ITPR1: variants seen among roughly 807,000 people sequenced by gnomAD.
ITPR1 encodes inositol 1,4,5-trisphosphate-gated calcium channel ITPR1.
ITPR1 carries 96 observed loss-of-function variants against 318.4 expected under a neutral mutation model. That is an observed-to-expected ratio of 0.30 (90% CI 0.26 to 0.36). ITPR1 has a LOEUF of 0.36. Ranked by LOEUF, ITPR1 falls within the 10% of genes least tolerant of loss-of-function variation. The pLI is 1.00. For synonymous variants in ITPR1, 1,312 were observed against 1,289.9 expected (o/e 1.02, Z -0.37); for missense variants, 2,440 against 3,460.2 (o/e 0.71, Z 7.40).
At chr3:4,510,679 A>G (rs2081748139) in intron 2 of ITPR1, among the ~76,000 whole-genome samples, 1 of 152,218 alleles carries the variant, frequency 6.6e-6, no homozygotes, top group Non-Finnish European at 1.5e-5. Context: ...TGTGCCTTGT[A>G]CGGTGTCAGA....
intron 11 of ITPR1, among the ~76,000 whole-genome samples, chr3:4,653,189 G>T (rs2093635430): frequency 1.3e-5 from 2 of 152,286 alleles, no homozygotes; most frequent in Middle Eastern, 6.8e-3. Context: ...CCCCACTGTT[G>T]TCTGGGACCA....
intron 20 of ITPR1, chr3:4,671,542 A>G (rs563213824): frequency 6.6e-6 from 1 of 152,316 alleles, no homozygotes. Flanking sequence ...GATTCCCTGT[A>G]TGTTTACCCA....
rs115762961 is a variant in ITPR1 at position 4,504,334 on chromosome 3, A to G, written c.-17+9828A>G. On this transcript the variant is annotated intron_variant, in intron 2 of 61. Transcript: ENST00000649015. ...GGGAATGGAGAATGAGCAACGTTGT[A>G]TTATACTAGAGAATCACTCCTCTGA... is the stretch of plus-strand genomic sequence containing the variant. 9.4e-3 allele frequency among the ~76,000 whole-genome samples: 1,436 copies of G among 152,216 alleles called. 24 individuals carry two copies. The highest frequency in any genetic ancestry group is 0.033 in the African/African-American group (1,351 of 41,520).
At chr3:4,612,237 C>G (rs2092170563) in intron 4 of ITPR1, among the ~76,000 whole-genome samples, 2 of 151,724 alleles carry the variant, frequency 1.3e-5, no homozygotes, top group African/African-American at 4.8e-5. Flanking sequence ...AATTTTTATA[C>G]ATTTAGTAGA....
intron 4 of ITPR1, among the ~76,000 whole-genome samples, chr3:4,528,111 C>T (rs2083129051): frequency 6.6e-6 from 1 of 152,120 alleles, no homozygotes; most frequent in Admixed American, 6.5e-5. Context: ...CCAGAGCTAG[C>T]ATCCAGCCCA....
At chr3:4,697,104 A>G in intron 33 of ITPR1, 43 bp from the exon 34 acceptor site, 1 of 1,600,370 alleles carries the variant, frequency 6.2e-7, no homozygotes, top group Non-Finnish European at 8.5e-7. Flanking sequence ...AGTTCCATAC[A>G]CACCAAGATG....
chr3:4,519,593 G>T (rs1242806509), intron 3 of ITPR1, among the ~76,000 whole-genome samples: 1 of 152,168 alleles, frequency 6.6e-6, no homozygotes, highest in Non-Finnish European at 1.5e-5. Flanking sequence ...CATTATGTTA[G>T]CTCTGGGGGC....
At chr3:4,518,147 T>C (rs1050013846) in intron 3 of ITPR1, among the ~76,000 whole-genome samples, 18 of 152,160 alleles carry the variant, frequency 1.2e-4, no homozygotes, top group African/African-American at 4.3e-4. Flanking sequence ...CTTCCTTGTC[T>C]GCCCGCAGCT....
At chr3:4,607,648 G>A (rs989918864) in intron 4 of ITPR1, among the ~76,000 whole-genome samples, 5 of 152,036 alleles carry the variant, frequency 3.3e-5, no homozygotes, top group African/African-American at 1.2e-4. Flanking sequence ...GGGAAAGGTG[G>A]GGGTGGCAGG....
chr3:4,836,296 G>A (rs1224712197), intron 60 of ITPR1, among the ~76,000 whole-genome samples: 1 of 152,090 alleles, frequency 6.6e-6, no homozygotes, highest in Non-Finnish European at 1.5e-5. Flanking sequence ...TTTCACTTGG[G>A]GAAGATAAAA....
intron 48 of ITPR1, among the ~76,000 whole-genome samples, chr3:4,778,072 C>T (rs2046593068): frequency 6.6e-6 from 1 of 152,174 alleles, no homozygotes; most frequent in African/African-American, 2.4e-5. Flanking sequence ...AGGTGCTAAA[C>T]CTGCAGCATT....
intron 4 of ITPR1, among the ~76,000 whole-genome samples, chr3:4,612,431 T>C (rs1206156111): frequency 1.3e-5 from 2 of 152,146 alleles, no homozygotes; most frequent in Non-Finnish European, 2.9e-5. Flanking sequence ...CAATCCCCCA[T>C]GGATACCAAA....
intron 4 of ITPR1, among the ~76,000 whole-genome samples, chr3:4,536,680 C>T (rs2083902690): frequency 6.6e-6 from 1 of 152,122 alleles, no homozygotes; most frequent in South Asian, 2.1e-4. Context: ...TCACTGTGCC[C>T]AAATAATTTG....
intron 12 of ITPR1, among the ~76,000 whole-genome samples, chr3:4,654,464 A>G (rs1478723842): frequency 1.3e-5 from 2 of 152,226 alleles, no homozygotes; most frequent in Non-Finnish European, 2.9e-5. Context: ...CATATCGCCA[A>G]GTAATGCTGA....
intron 5 of ITPR1, among the ~76,000 whole-genome samples, chr3:4,638,115 C>T (rs780904672): frequency 3.3e-5 from 5 of 152,032 alleles, no homozygotes; most frequent in Non-Finnish European, 7.4e-5. Flanking sequence ...AAGACCACGT[C>T]CAGAAGACTC....
chr3:4,733,711 G>A (rs1282419224), intron 43 of ITPR1, among the ~76,000 whole-genome samples: 2 of 152,124 alleles, frequency 1.3e-5, no homozygotes, highest in Non-Finnish European at 2.9e-5. Context: ...TTCCACAGAG[G>A]AAATGGAAGC....
intron 4 of ITPR1, among the ~76,000 whole-genome samples, chr3:4,621,979 T>C (rs913464848): frequency 1.3e-5 from 2 of 152,158 alleles, no homozygotes; most frequent in African/African-American, 4.8e-5. Flanking sequence ...CCATAGTACT[T>C]CTAACTTGCT....
chr3:4,754,058 G>GA (rs2044763910), intron 44 of ITPR1, among the ~76,000 whole-genome samples: 3 of 136,848 alleles, frequency 2.2e-5, no homozygotes, highest in Non-Finnish European at 4.7e-5. Flanking sequence ...TGGGGGGGGG[G>GA]TGGCAAGGAT....
At chr3:4,761,522 C>G (rs1013757367) in intron 44 of ITPR1, among the ~76,000 whole-genome samples, 16 of 152,258 alleles carry the variant, frequency 1.1e-4, no homozygotes, top group African/African-American at 3.6e-4. Context: ...TGATGGGTAC[C>G]TAGCAACCAC....
Sources: gnomAD v4.1 joint callset for allele counts (sites outside exome capture counted in the v4.1 genomes callset) on GRCh38, gnomAD v4.1.1 for gene constraint, MANE v1.5 for transcripts, NCBI Gene and HGNC (gene_info 2026-07-23, HGNC 2026-07-21) for gene names.